Variants in TSHZ2 observed in about 807,000 individuals in gnomAD.
TSHZ2 encodes teashirt zinc finger homeobox 2, also known as teashirt homolog 2.
A neutral mutation model predicts 74.4 loss-of-function variants in TSHZ2; 21 were observed. The observed-to-expected ratio is 0.28, with a 90% CI of 0.20 to 0.41. The LOEUF is 0.41. Ranked by LOEUF, TSHZ2 falls within the 10% of genes least tolerant of loss-of-function variation. The probability of loss-of-function intolerance (pLI) is 1.00; values close to 1 mark genes in which losing one functional copy is unlikely to be tolerated. For synonymous variants in TSHZ2, 540 were observed against 515.3 expected, an observed-to-expected ratio of 1.05 and a Z score of -0.65; for missense variants, 1,244 against 1,293.5, an observed-to-expected ratio of 0.96 and a Z score of 0.59.
At chr20:53,200,430 A>C (rs930862018) in intron 1 of TSHZ2, among the ~76,000 whole-genome samples, 1 of 152,198 alleles carries the variant, frequency 6.6e-6, no homozygotes, top group Non-Finnish European at 1.5e-5. Flanking sequence ...CAAATCTGGG[A>C]GTGATTGGAA....
At chr20:53,454,912 T>C (rs1984990470) in intron 2 of TSHZ2, among the ~76,000 whole-genome samples, 1 of 152,196 alleles carries the variant, frequency 6.6e-6, no homozygotes, top group Admixed American at 6.5e-5. Flanking sequence ...AGAAGACCTC[T>C]CACCCATTAT....
intron 1 of TSHZ2, among the ~76,000 whole-genome samples, chr20:53,016,433 A>T (rs560733905): frequency 1.3e-5 from 2 of 152,180 alleles, no homozygotes; most frequent in Non-Finnish European, 2.9e-5. Flanking sequence ...TTTGAAAGGG[A>T]TTATTAGCCA....
rs745745444 is a variant in TSHZ2 at position 53,458,020 on chromosome 20, C to T, written c.*9-29124C>T. ...ATCAAGGATATTGGTCTAAAATTCT[C>T]TTTTTTGGTTGAGTCTCTGCCCGGC... is the stretch of plus-strand genomic sequence containing the variant. On this transcript the variant is annotated intron_variant, in intron 2 of 2. Coordinates refer to ENST00000371497, the MANE Select transcript of TSHZ2 (RefSeq NM_173485.6). 4.9e-3 allele frequency among the ~76,000 whole-genome samples: 743 copies of T among 151,950 alleles called. 2 individuals are homozygous for T. The highest frequency in any genetic ancestry group is 0.036 in the South Asian group (175 of 4,804).
chr20:53,303,438 C>T (rs547788473), intron 2 of TSHZ2, among the ~76,000 whole-genome samples: 1 of 152,162 alleles, frequency 6.6e-6, no homozygotes, highest in Non-Finnish European at 1.5e-5. Flanking sequence ...ATCAACAGCA[C>T]AACTGGAAGG....
chr20:53,198,180 C>A (rs1405205939), intron 1 of TSHZ2: 1 of 152,192 alleles, frequency 6.6e-6, no homozygotes, highest in Admixed American at 6.5e-5. Context: ...TAAGCATTAC[C>A]TGTAATTTCA....
chr20:53,454,118 T>G (rs569714079), intron 2 of TSHZ2, among the ~76,000 whole-genome samples: 1 of 152,328 alleles, frequency 6.6e-6, no homozygotes, highest in East Asian at 1.9e-4. Flanking sequence ...TACTGAAAAT[T>G]CCAGGCTTCA....
intron 1 of TSHZ2, among the ~76,000 whole-genome samples, chr20:53,089,266 A>T (rs1038182863): frequency 6.6e-6 from 1 of 151,668 alleles, no homozygotes; most frequent in Non-Finnish European, 1.5e-5. Context: ...CAGAGAAAAA[A>T]ATCTTAAGTG....
At chr20:52,983,328 A>G (rs1220649960) in intron 1 of TSHZ2, among the ~76,000 whole-genome samples, 1 of 152,206 alleles carries the variant, frequency 6.6e-6, no homozygotes, top group East Asian at 1.9e-4. Flanking sequence ...CGGGCCCAGT[A>G]TTTACATGGG....
At chr20:53,476,152 C>A (rs1267789869) in intron 2 of TSHZ2, among the ~76,000 whole-genome samples, 1 of 146,788 alleles carries the variant, frequency 6.8e-6, no homozygotes, top group Non-Finnish European at 1.5e-5. Context: ...CTCCCTAACT[C>A]TTTTTATGAG....
intron 2 of TSHZ2, among the ~76,000 whole-genome samples, chr20:53,429,368 C>T (rs1053058791): frequency 3.3e-5 from 5 of 152,332 alleles, no homozygotes; most frequent in South Asian, 2.1e-4. Flanking sequence ...CCACATCTCA[C>T]CCTGAATTCC....
rs536973328 is a variant in TSHZ2 at position 53,130,446 on chromosome 20, G to C, written c.41-123053G>C. ...TCAAGACAAGCCTGGCCAATGCAGC[G>C]AAACCCCATCTCTACTAAAAATACA... On this transcript the variant is annotated intron_variant, in intron 1 of 2. Coordinates refer to ENST00000371497, the MANE Select transcript of TSHZ2 (RefSeq NM_173485.6). Among the ~76,000 whole-genome samples, 6 of 152,120 alleles carry C rather than the reference G, an allele frequency of 3.9e-5. No individual in the cohort carries two copies. The South Asian group carries it at 8.3e-4, about 21-fold the overall frequency.
intron 1 of TSHZ2, among the ~76,000 whole-genome samples, chr20:53,238,836 T>TAAAAAAAAAAAA (rs746136673): frequency 1.5e-5 from 1 of 66,022 alleles, no homozygotes; most frequent in African/African-American, 6.1e-5. Context: ...ATCTTATATC[T>TAAAAAAAAAAAA]AAAAAAAAAA....
At chr20:53,018,011 A>G (rs138029851) in intron 1 of TSHZ2, among the ~76,000 whole-genome samples, 9 of 152,328 alleles carry the variant, frequency 5.9e-5, no homozygotes, top group Non-Finnish European at 1.2e-4. Flanking sequence ...CGAACATCGC[A>G]TCAATAGGAT....
intron 1 of TSHZ2, among the ~76,000 whole-genome samples, chr20:53,173,085 A>G (rs754669173): frequency 6.6e-6 from 1 of 152,226 alleles, no homozygotes; most frequent in Non-Finnish European, 1.5e-5. Flanking sequence ...TGCTCCCAGC[A>G]CAAGGAAATA....
At chr20:53,151,489 A>G (rs1987676179) in intron 1 of TSHZ2, among the ~76,000 whole-genome samples, 1 of 152,216 alleles carries the variant, frequency 6.6e-6, no homozygotes, top group Non-Finnish European at 1.5e-5. Context: ...GAAAGAGAAT[A>G]TGGTACATAT....
chr20:53,008,543 A>G (rs1174575671), intron 1 of TSHZ2, among the ~76,000 whole-genome samples: 1 of 147,584 alleles, frequency 6.8e-6, no homozygotes, highest in African/African-American at 2.5e-5. Flanking sequence ...AAATTAAGAA[A>G]GGATTATAAT....
At chr20:53,119,140 A>G (rs533593486) in intron 1 of TSHZ2, among the ~76,000 whole-genome samples, 10 of 152,224 alleles carry the variant, frequency 6.6e-5, no homozygotes, top group South Asian at 2.1e-4. Flanking sequence ...TAGACCTGCA[A>G]TTTCCTAGGG....
At chr20:53,423,573 ACT>A (rs1983554884) in intron 2 of TSHZ2, among the ~76,000 whole-genome samples, 1 of 151,922 alleles carries the variant, frequency 6.6e-6, no homozygotes, top group Non-Finnish European at 1.5e-5. Flanking sequence ...GCCTCAACAA[ACT>A]CTATTCCCTT....
At position 53,135,590 on chromosome 20, in the gene TSHZ2, T is replaced by TTTTAA. The variant is rs1445135769; in HGVS notation, c.41-117905_41-117904insATTTA. ...GTGCTGGTTAAGTATGTTTGTTTATTTTTATTTTATTTTATTTTATTTTGA... is the reference window on the plus strand; with the variant it reads ...GTGCTGGTTAAGTATGTTTGTTTATTTTTAATTTATTTTATTTTATTTTATTTTGA... On this transcript the variant is annotated intron_variant, in intron 1 of 2. Transcript: ENST00000371497. Among the ~76,000 whole-genome samples the TTTTAA allele has an allele frequency of 2.0e-5, 3 of 152,032 alleles. No homozygotes were observed. In the East Asian group the frequency reaches 5.8e-4, roughly 29 times the overall value.
Sources: gnomAD v4.1 joint callset for allele counts (sites outside exome capture counted in the v4.1 genomes callset) on GRCh38, gnomAD v4.1.1 for gene constraint, MANE v1.5 for transcripts, NCBI Gene and HGNC (gene_info 2026-07-23, HGNC 2026-07-21) for gene names.